Variants in LOXL2 observed in about 807,000 individuals in gnomAD.
The protein encoded by LOXL2 is lysyl oxidase like 2.
A neutral mutation model predicts 93.0 loss-of-function variants in LOXL2; 70 were observed. The observed-to-expected ratio is 0.75, with a 90% CI of 0.62 to 0.92. The LOEUF (loss-of-function observed/expected upper bound fraction) is 0.92. Among genes scored for constraint, LOXL2 ranks in the 40% least tolerant of loss-of-function variants. The probability of loss-of-function intolerance (pLI) is 0.00; values close to 1 mark genes in which losing one functional copy is unlikely to be tolerated. For synonymous variants in LOXL2, 438 were observed against 413.2 expected, an observed-to-expected ratio of 1.06 and a Z score of -0.73; for missense variants, 973 against 1,054.9, an observed-to-expected ratio of 0.92 and a Z score of 1.08.
intron 1 of LOXL2, among the ~76,000 whole-genome samples, chr8:23,394,714 T>C (rs1800066485): frequency 6.6e-6 from 1 of 151,902 alleles, no homozygotes; most frequent in Non-Finnish European, 1.5e-5. Flanking sequence ...AAGCTAAACA[T>C]AGAATTACTA....
chr8:23,342,433 C>CT (rs1178917449), intron 3 of LOXL2, among the ~76,000 whole-genome samples: 2,786 of 137,252 alleles, frequency 0.02, 81 homozygotes, highest in African/African-American at 0.066. Flanking sequence ...TTTTCTTTTT[C>CT]TTTTTTTTTT....
chr8:23,367,698 C>G (rs1002738536), intron 2 of LOXL2, among the ~76,000 whole-genome samples: 17 of 150,634 alleles, frequency 1.1e-4, no homozygotes, highest in East Asian at 5.8e-4. Flanking sequence ...GGGTCACCAA[C>G]TGTCCTGGTT....
chr8:23,382,178 T>A (rs1585380407), intron 1 of LOXL2, among the ~76,000 whole-genome samples: 3 of 152,284 alleles, frequency 2.0e-5, no homozygotes, highest in South Asian at 4.1e-4. Flanking sequence ...TGTCCCCTTT[T>A]TCAGTTTTTA....
intron 4 of LOXL2, chr8:23,337,337 AGAG>A (rs1157792839): frequency 6.6e-6 from 1 of 152,258 alleles, no homozygotes; most frequent in Non-Finnish European, 1.5e-5. Context: ...TCTGGCCTTC[AGAG>A]AAGAGTGATC....
At chr8:23,319,570 A>T (rs3824221) in intron 8 of LOXL2, among the ~76,000 whole-genome samples, 1 of 151,894 alleles carries the variant, frequency 6.6e-6, no homozygotes, top group Non-Finnish European at 1.5e-5. Flanking sequence ...CACATCAGGA[A>T]CCCCCAGGAT....
intron 1 of LOXL2, among the ~76,000 whole-genome samples, chr8:23,372,364 T>C (rs978736255): frequency 5.3e-5 from 8 of 151,996 alleles, no homozygotes; most frequent in African/African-American, 1.9e-4. Context: ...ATTCCAGGCA[T>C]GTACCACCAC....
rs79331021 is a variant in LOXL2, at chr8:23,360,814, C to G, written c.356-549G>C. ...TTATGGCATAAGCCAGTCTCACCTT[C>G]CATCCATAGCAGAGGCTGAACTTTG... On this transcript the variant is annotated intron_variant, in intron 2 of 13. Coordinates refer to ENST00000389131, the MANE Select transcript of LOXL2 (RefSeq NM_002318.3). Among the ~76,000 whole-genome samples, 10 of 152,318 alleles carry G rather than the reference C, an allele frequency of 6.6e-5. No individual in the cohort carries two copies. In the East Asian group the frequency reaches 1.2e-3, roughly 18 times the overall value.
intron 3 of LOXL2, among the ~76,000 whole-genome samples, chr8:23,356,050 A>C (rs1804191571): frequency 6.6e-6 from 1 of 152,120 alleles, no homozygotes; most frequent in African/African-American, 2.4e-5. Flanking sequence ...ATTTCAACCT[A>C]CAGCAGTTTT....
chr8:23,308,990 A>ATTTT (rs67587130), intron 10 of LOXL2, among the ~76,000 whole-genome samples: 35 of 136,734 alleles, frequency 2.6e-4, no homozygotes, highest in African/African-American at 8.9e-4. Context: ...ATATATATAT[A>ATTTT]TTTTTTTTTT....
chr8:23,304,631 A>G (rs532623550), intron 10 of LOXL2, among the ~76,000 whole-genome samples: 3 of 152,298 alleles, frequency 2.0e-5, no homozygotes, highest in African/African-American at 7.2e-5. Flanking sequence ...GGGCCGCAAG[A>G]TTGAATAAGA....
intron 1 of LOXL2, among the ~76,000 whole-genome samples, chr8:23,399,091 T>C (rs1800127673): frequency 6.6e-6 from 1 of 152,242 alleles, no homozygotes; most frequent in Non-Finnish European, 1.5e-5. Flanking sequence ...TGTGAATGTC[T>C]GGTTGGCCCT....
At chr8:23,314,552 C>G (rs1343384506) in intron 9 of LOXL2, among the ~76,000 whole-genome samples, 2 of 141,438 alleles carry the variant, frequency 1.4e-5, no homozygotes, top group Non-Finnish European at 3.1e-5. Context: ...AACAAAAAAC[C>G]AAACACCGCA....
intron 1 of LOXL2, among the ~76,000 whole-genome samples, chr8:23,384,399 G>A (rs1267563475): frequency 6.6e-6 from 1 of 152,204 alleles, no homozygotes; most frequent in African/African-American, 2.4e-5. Flanking sequence ...AGTGAGCGTT[G>A]CTGACACAGA....
intron 13 of LOXL2, 68 bp downstream of exon 13, chr8:23,298,768 C>T (rs62503960): frequency 0.23 from 220,931 of 948,592 alleles, 28,973 homozygotes; most frequent in Middle Eastern, 0.3. Context: ...TAGGAAGCTG[C>T]CTCTGGGTCC....
intron 1 of LOXL2, among the ~76,000 whole-genome samples, chr8:23,391,050 G>A (rs1341475660): frequency 1.3e-5 from 2 of 152,104 alleles, no homozygotes; most frequent in African/African-American, 2.4e-5. Context: ...CAGCTCTTGT[G>A]AGACTTATTC....
Position 23,324,434 on chromosome 8 carries a change from G to A in LOXL2, c.1151-2153C>T, listed in dbSNP as rs547918593. Among the ~76,000 whole-genome samples, 7 of 152,340 alleles carry A rather than the reference G, an allele frequency of 4.6e-5. No individual in the cohort carries two copies. In the South Asian group the frequency reaches 1.5e-3, roughly 32 times the overall value. On this transcript the variant is annotated intron_variant, in intron 6 of 13. Coordinates refer to ENST00000389131, the MANE Select transcript of LOXL2 (RefSeq NM_002318.3). Reference sequence around the variant, plus strand: ...TGGCTCACTCTCTTCCTGCCCCACTGAGTTCCGTGGGGGGTTGGGCAGGGT... The same window carrying A: ...TGGCTCACTCTCTTCCTGCCCCACTAAGTTCCGTGGGGGGTTGGGCAGGGT...
At chr8:23,318,919 AC>A (rs1803449331) in intron 8 of LOXL2, among the ~76,000 whole-genome samples, 2 of 152,182 alleles carry the variant, frequency 1.3e-5, no homozygotes, top group African/African-American at 4.8e-5. Context: ...CATTGGAGCA[AC>A]CTGGGACCCA....
At position 23,341,184 on chromosome 8, in the gene LOXL2, T is replaced by C; in HGVS notation, c.551A>G (p.Glu184Gly). 6.2e-7 allele frequency: 1 copy of C among 1,613,106 alleles called. No individual in the cohort carries two copies. Among genetic ancestry groups the C allele is most frequent in the Non-Finnish European group, 8.5e-7 (1 of 1,179,776 alleles). Reference protein sequence around the residue: ...NQIENLNIQVEDIRIRAILST... With the variant: ...NQIENLNIQVGDIRIRAILST... ...GAGGATGGCTCGAATCCGAATGTCC[T>C]CCACCTGGATATTCAGGTTCTGGGA... Residue 184 changes from glutamate (E) to glycine (G), a missense_variant, in exon 4 of 14, where the codon GAG becomes GGG. Glu to Gly is a moderately conservative substitution (Grantham distance 98, BLOSUM62 -2). Coordinates refer to ENST00000389131, the MANE Select transcript of LOXL2 (RefSeq NM_002318.3).
intron 1 of LOXL2, 91 bp from the exon 2 acceptor site, chr8:23,368,525 A>T (rs780582595): frequency 8.3e-5 from 51 of 616,906 alleles, no homozygotes; most frequent in Admixed American, 1.4e-4. Flanking sequence ...TTGGCTTAAT[A>T]TGGAAAGCTC....
Sources: gnomAD v4.1 joint callset for allele counts (sites outside exome capture counted in the v4.1 genomes callset) on GRCh38, gnomAD v4.1.1 for gene constraint, MANE v1.5 for transcripts, NCBI Gene and HGNC (gene_info 2026-07-23, HGNC 2026-07-21) for gene names.